Variants in MUSK observed in about 807,000 individuals in gnomAD.
MUSK encodes muscle, skeletal receptor tyrosine-protein kinase.
A neutral mutation model predicts 88.7 loss-of-function variants in MUSK; 55 were observed. That is an observed-to-expected ratio of 0.62 (90% confidence interval 0.50 to 0.78). The LOEUF (loss-of-function observed/expected upper bound fraction) is 0.78. MUSK is among the 30% of genes least tolerant of loss of function. The probability of loss-of-function intolerance (pLI) is 0.00; values close to 1 mark genes in which losing one functional copy is unlikely to be tolerated. For missense variants in MUSK, 1,015 were observed against 1,074.3 expected (o/e 0.94, Z 0.77); for synonymous variants, 387 against 391.9 (o/e 0.99, Z 0.15).
intron 11 of MUSK, among the ~76,000 whole-genome samples, chr9:110,780,275 C>G (rs1041709835): frequency 6.6e-6 from 1 of 152,214 alleles, no homozygotes; most frequent in Non-Finnish European, 1.5e-5. Context: ...TTCTACACAT[C>G]GCAGTGCTCT....
At chr9:110,669,071 A>G in intron 1 of MUSK, 88 bp downstream of exon 1, 2 of 1,192,644 alleles carry the variant, frequency 1.7e-6, no homozygotes, top group South Asian at 1.2e-5. Context: ...GATTTATAGT[A>G]TGGTGGGCTT....
rs372433131 is a variant in MUSK at position 110,775,938 on chromosome 9, G to A, written c.1335G>A (p.Thr445=). 3.1e-6 allele frequency: 5 copies of A among 1,613,496 alleles called. No individual in the cohort carries two copies. The highest frequency in any genetic ancestry group is 1.1e-5 in the South Asian group (1 of 91,056). Residue 445 remains threonine (T), a synonymous_variant, in exon 10 of 15, where the codon ACG becomes ACA. Transcript: ENST00000374448. ...TTCCCAGCATGCATTGGGACCCCACGGCCTGTGCCAGACTGCCACATCTAG... is the reference window on the plus strand; with the variant it reads ...TTCCCAGCATGCATTGGGACCCCACAGCCTGTGCCAGACTGCCACATCTAG... ...SKLPSMHWDP[T]ACARLPHLDY...
intron 7 of MUSK, 187 bp from the exon 8 acceptor site, chr9:110,762,015 C>A: frequency 1.1e-6 from 1 of 893,946 alleles, no homozygotes; most frequent in Non-Finnish European, 1.3e-6. Flanking sequence ...ATATTTTCTT[C>A]ATTTCCTCCG....
chr9:110,697,863 G>A (rs2076454168), intron 5 of MUSK, among the ~76,000 whole-genome samples: 1 of 151,084 alleles, frequency 6.6e-6, no homozygotes, highest in Non-Finnish European at 1.5e-5. Flanking sequence ...ATGTGATAAG[G>A]AGGAAAAAGT....
At chr9:110,737,321 A>G (rs191766322) in intron 6 of MUSK, among the ~76,000 whole-genome samples, 5 of 150,512 alleles carry the variant, frequency 3.3e-5, no homozygotes, top group Admixed American at 3.3e-4. Flanking sequence ...TTAATTTGAT[A>G]ATTATTTTTA....
chr9:110,673,098 T>A (rs2075981156), intron 1 of MUSK, among the ~76,000 whole-genome samples: 1 of 152,234 alleles, frequency 6.6e-6, no homozygotes, highest in South Asian at 2.1e-4. Flanking sequence ...ATACAACTGA[T>A]CCATGTGATT....
chr9:110,689,867 A>AATATAAATATATATTTAAATATAAATT (rs2076288278), intron 3 of MUSK, among the ~76,000 whole-genome samples: 2 of 64,690 alleles, frequency 3.1e-5, no homozygotes, highest in Non-Finnish European at 5.9e-5. Context: ...TATATATTTA[A>AATATAAATATATATTTAAATATAAATT]ATATAAATAT....
chr9:110,753,459 A>AG (rs1554750380), intron 7 of MUSK, among the ~76,000 whole-genome samples: 116 of 118,696 alleles, frequency 9.8e-4, no homozygotes, highest in East Asian at 5.5e-3. Flanking sequence ...AAAAAAAAAA[A>AG]AGAGAGAGAG....
chr9:110,770,329 AATTAATAATT>A (rs564089438), intron 9 of MUSK, among the ~76,000 whole-genome samples: 103 of 74,288 alleles, frequency 1.4e-3, no homozygotes, highest in African/African-American at 8.2e-3. Context: ...TATCAATAAT[AATTAATAATT>A]ATTATATTAA....
Position 110,804,576 on chromosome 9 carries a change from G to C in MUSK, c.*3588G>C, listed in dbSNP as rs1436074376. 2.0e-5 allele frequency among the ~76,000 whole-genome samples: 3 copies of C among 151,918 alleles called. No homozygotes were observed. The highest frequency in any genetic ancestry group is 7.2e-5 in the African/African-American group (3 of 41,410). On this transcript the variant is annotated 3_prime_UTR_variant, in exon 15 of 15. Transcript: ENST00000374448. ...ATTGTCTACAGCCCATTTTTCTGCT[G>C]TGTTCATTTTCTAATCGAATTATGG...
Position 110,800,787 on chromosome 9 carries a change from C to T in MUSK, c.2409C>T (p.Tyr803=). 6.2e-7 allele frequency: 1 copy of T among 1,614,012 alleles called. No homozygotes were observed. The highest frequency in any genetic ancestry group is 8.5e-7 in the Non-Finnish European group (1 of 1,179,882). The change falls in exon 15 of 15, where the codon TAC becomes TAT. Residue 803 remains tyrosine (Y), a synonymous_variant. Coordinates refer to ENST00000374448, the MANE Select transcript of MUSK (RefSeq NM_005592.4). ...TCTTCTCCTATGGCCTGCAGCCCTA[C>T]TATGGGATGGCCCATGAGGAGGTCA... ...WEIFSYGLQP[Y]YGMAHEEVIY...
At chr9:110,738,630 A>T (rs2077057146) in intron 6 of MUSK, among the ~76,000 whole-genome samples, 1 of 152,126 alleles carries the variant, frequency 6.6e-6, no homozygotes, top group South Asian at 2.1e-4. Context: ...TTCTTACCTC[A>T]TGCTCACTCA....
At position 110,668,888 on chromosome 9, in the gene MUSK, G is replaced by A. The variant is rs990747864; in HGVS notation, c.-17G>A. ...TTGTCCAGAAGGAACTTCGTCCTGC[G>A]TGAGCCTGGATTAATCATGAGAGAG... is the stretch of plus-strand genomic sequence containing the variant. On this transcript the variant is annotated 5_prime_UTR_variant, in exon 1 of 15. In the 5' UTR this introduces an upstream ATG that the reference lacks. Coordinates refer to ENST00000374448, the MANE Select transcript of MUSK (RefSeq NM_005592.4). 1.1e-5 allele frequency: 17 copies of A among 1,608,548 alleles called. 1 individual carries two copies. Among genetic ancestry groups the A allele is most frequent in the Middle Eastern group, 3.3e-4 (2 of 6,072 alleles).
At chr9:110,686,071 C>T (rs567872253) in intron 2 of MUSK, among the ~76,000 whole-genome samples, 1 of 152,206 alleles carries the variant, frequency 6.6e-6, no homozygotes, top group East Asian at 1.9e-4. Context: ...TGAAATAAAT[C>T]TCTCTGGGCT....
At chr9:110,763,727 A>C (rs973002251) in intron 8 of MUSK, among the ~76,000 whole-genome samples, 1 of 152,132 alleles carries the variant, frequency 6.6e-6, no homozygotes, top group Non-Finnish European at 1.5e-5. Context: ...TAAGGTGTGG[A>C]GTTTCCACTA....
chr9:110,786,788 T>C (rs567852506), intron 13 of MUSK, among the ~76,000 whole-genome samples: 1 of 152,324 alleles, frequency 6.6e-6, no homozygotes, highest in South Asian at 2.1e-4. Flanking sequence ...CCCTTTCTGC[T>C]GCATGGATAT....
intron 5 of MUSK, among the ~76,000 whole-genome samples, chr9:110,713,862 C>CA: frequency 6.6e-6 from 1 of 152,116 alleles, no homozygotes; most frequent in South Asian, 2.1e-4. Flanking sequence ...GAGCTTAGAT[C>CA]AAAAAAGTTA....
rs561096273 is a variant in MUSK at position 110,761,433 on chromosome 9, T to TC, written c.914-769_914-768insC. 2.4e-3 allele frequency among the ~76,000 whole-genome samples: 373 copies of TC among 152,260 alleles called. 1 individual carries two copies. The highest frequency in any genetic ancestry group is 8.7e-3 in the African/African-American group (360 of 41,556). On this transcript the variant is annotated intron_variant, in intron 7 of 14. Transcript: ENST00000374448. ...CACACAGCCTTGAGGCAGCCAGGTC[T>TC]ATGAGAACAACCATTGCCTACTTTC... is the stretch of plus-strand genomic sequence containing the variant.
rs1021607988 is a variant in MUSK at position 110,697,543 on chromosome 9, G to C, written c.628+77G>C. ...TACTGTGAAGGCTGCACCTGGGCTT[G>C]GGAGAGAAGAGATGTGGGCAGCCCA... On this transcript the variant is annotated intron_variant, in intron 5 of 14. Coordinates refer to ENST00000374448, the MANE Select transcript of MUSK (RefSeq NM_005592.4). The C allele has an allele frequency of 4.8e-6, 7 of 1,472,876 alleles. No homozygotes were observed. In the East Asian group the frequency reaches 1.4e-4, roughly 30 times the overall value. 91.2% of individuals were successfully genotyped at this position (1,472,876 alleles called of 1,614,324 possible).
Sources: allele counts gnomAD v4.1 joint callset (sites outside exome capture counted in the v4.1 genomes callset), GRCh38; gene constraint gnomAD v4.1.1; transcripts MANE v1.5; gene names NCBI Gene and HGNC (gene_info 2026-07-23, HGNC 2026-07-21).